The following ELMO1 variants were observed in gnomAD, a reference collection of about 807,000 sequenced individuals.
The protein encoded by ELMO1 is engulfment and cell motility 1.
ELMO1 carries 26 observed loss-of-function variants against 98.9 expected under a neutral mutation model. That is an observed-to-expected ratio of 0.26 (90% CI 0.19 to 0.36). The LOEUF (loss-of-function observed/expected upper bound fraction) is 0.36. ELMO1 is among the 10% of genes least tolerant of loss of function. The pLI, the probability that ELMO1 is intolerant of heterozygous loss-of-function variation, is 1.00. For synonymous variants in ELMO1, 346 were observed against 346.0 expected, an observed-to-expected ratio of 1.00 and a Z score of 0.00; for missense variants, 627 against 935.2, an observed-to-expected ratio of 0.67 and a Z score of 4.30.
intron 13 of ELMO1, among the ~76,000 whole-genome samples, chr7:37,173,446 C>G (rs1790302634): frequency 6.6e-6 from 1 of 152,252 alleles, no homozygotes; most frequent in Non-Finnish European, 1.5e-5. Context: ...TATTTCAAAT[C>G]TGCCTCGGAT....
chr7:37,055,957 C>T (rs1197965324), intron 15 of ELMO1, among the ~76,000 whole-genome samples: 2 of 152,188 alleles, frequency 1.3e-5, no homozygotes, highest in Admixed American at 1.3e-4. Context: ...TAGCATTCAA[C>T]TTAACTTTAA....
At position 37,354,335 on chromosome 7, in the gene ELMO1, A is replaced by G. The variant is rs1801407904; in HGVS notation, c.-73-11572T>C. The stretch of plus-strand genomic sequence containing the variant: ...ACTCAAGCCAGTGATGCATTTTTAA[A>G]ATCCAGAATTCCTTGCACAGAAAAC... On this transcript the variant is annotated intron_variant, in intron 1 of 21. Coordinates refer to ENST00000310758, the MANE Select transcript of ELMO1 (RefSeq NM_014800.11). Among the ~76,000 whole-genome samples the G allele has an allele frequency of 5.3e-5, 8 of 152,256 alleles. 1 individual carries two copies. Among genetic ancestry groups the G allele is most frequent in the Admixed American group, 5.2e-4 (8 of 15,290 alleles).
intron 21 of ELMO1, among the ~76,000 whole-genome samples, chr7:36,859,971 T>A (rs1802490153): frequency 6.6e-6 from 1 of 152,218 alleles, no homozygotes; most frequent in Non-Finnish European, 1.5e-5. Context: ...TCCCTCATCC[T>A]ACTCAATGTG....
At chr7:37,061,606 T>C (rs531564234) in intron 15 of ELMO1, among the ~76,000 whole-genome samples, 1 of 152,202 alleles carries the variant, frequency 6.6e-6, no homozygotes, top group South Asian at 2.1e-4. Flanking sequence ...CAACCAGTGG[T>C]CTTCAAGGAG....
intron 1 of ELMO1, among the ~76,000 whole-genome samples, chr7:37,398,504 G>T (rs892614271): frequency 3.3e-5 from 5 of 152,188 alleles, no homozygotes; most frequent in African/African-American, 1.2e-4. Context: ...TTATCTTTCT[G>T]CTTTGTTTCC....
chr7:37,395,267 T>G (rs1803247561), intron 1 of ELMO1, among the ~76,000 whole-genome samples: 1 of 146,158 alleles, frequency 6.8e-6, no homozygotes, highest in South Asian at 2.1e-4. Flanking sequence ...CTCAGGAGGG[T>G]GAGGCAGGAG....
intron 16 of ELMO1, among the ~76,000 whole-genome samples, chr7:36,947,690 C>T (rs908022767): frequency 6.6e-6 from 1 of 152,138 alleles, no homozygotes; most frequent in Non-Finnish European, 1.5e-5. Flanking sequence ...GCAATTTATA[C>T]GAGGCCCTTC....
intron 15 of ELMO1, among the ~76,000 whole-genome samples, chr7:37,017,129 C>T (rs181934530): frequency 1.8e-4 from 28 of 152,292 alleles, no homozygotes; most frequent in African/African-American, 6.7e-4. Flanking sequence ...ACCAGGGTTA[C>T]GCTCCCCTTC....
rs1795204327 is a variant in ELMO1, at chr7:37,249,547, A to G, written c.414-5156T>C. ...CCAGATTAGTGAGAACTCCACAAAT[A>G]CCACTGCTATCTTTCTGAGGAAAAC... On this transcript the variant is annotated intron_variant, in intron 6 of 21. Coordinates refer to ENST00000310758, the MANE Select transcript of ELMO1 (RefSeq NM_014800.11). Among the ~76,000 whole-genome samples the G allele has an allele frequency of 2.0e-5, 3 of 152,342 alleles. 1 individual carries two copies. Among genetic ancestry groups the G allele is most frequent in the Admixed American group, 2.0e-4 (3 of 15,300 alleles).
chr7:37,216,922 C>T (rs548839876), intron 10 of ELMO1, among the ~76,000 whole-genome samples: 3 of 152,162 alleles, frequency 2.0e-5, no homozygotes, highest in African/African-American at 7.2e-5. Flanking sequence ...CTGGCACCTG[C>T]AAACTTCTTT....
At chr7:37,222,075 G>C (rs1793627746) in intron 10 of ELMO1, among the ~76,000 whole-genome samples, 1 of 152,172 alleles carries the variant, frequency 6.6e-6, no homozygotes, top group Non-Finnish European at 1.5e-5. Flanking sequence ...ATCTCACCAA[G>C]CAAGGAGCCC....
intron 1 of ELMO1, among the ~76,000 whole-genome samples, chr7:37,412,336 C>T (rs1025408168): frequency 6.6e-6 from 1 of 152,162 alleles, no homozygotes; most frequent in African/African-American, 2.4e-5. Flanking sequence ...TGTGCCAGCC[C>T]CCTTCACCAC....
rs116086837 is a variant in ELMO1 at position 37,398,841 on chromosome 7, G to A, written c.-74+49834C>T. Among the ~76,000 whole-genome samples the A allele has an allele frequency of 3.1e-3, 474 of 152,182 alleles. 4 individuals carry two copies. Among genetic ancestry groups the A allele is most frequent in the African/African-American group, 9.7e-3 (402 of 41,520 alleles). ...CATCTACAATGTGGGGCCCTCCTTC[G>A]CCCCCAAGAAGCACAGGAAGGCTTC... On this transcript the variant is annotated intron_variant, in intron 1 of 21. Transcript: ENST00000310758.
intron 2 of ELMO1, among the ~76,000 whole-genome samples, chr7:37,322,940 C>G (rs1366107932): frequency 6.6e-6 from 1 of 152,154 alleles, no homozygotes; most frequent in African/African-American, 2.4e-5. Context: ...ACTGCCTTCT[C>G]AGACTCAACA....
At chr7:37,393,589 C>T (rs548918360) in intron 1 of ELMO1, among the ~76,000 whole-genome samples, 1 of 152,186 alleles carries the variant, frequency 6.6e-6, no homozygotes, top group African/African-American at 2.4e-5. Context: ...AGACTATAGA[C>T]TGGTTATTTT....
At chr7:37,209,353 A>G (rs1792828257) in intron 13 of ELMO1, among the ~76,000 whole-genome samples, 3 of 152,144 alleles carry the variant, frequency 2.0e-5, no homozygotes, top group African/African-American at 7.2e-5. Context: ...CTGGGATCCA[A>G]CTGCCCCCGA....
At chr7:37,189,113 G>A (rs1791421898) in intron 13 of ELMO1, among the ~76,000 whole-genome samples, 1 of 152,154 alleles carries the variant, frequency 6.6e-6, no homozygotes, top group South Asian at 2.1e-4. Context: ...TCAAAAATAA[G>A]AAATTGTTTA....
intron 14 of ELMO1, among the ~76,000 whole-genome samples, chr7:37,105,645 T>C (rs1784901959): frequency 6.6e-6 from 1 of 152,238 alleles, no homozygotes; most frequent in Non-Finnish European, 1.5e-5. Flanking sequence ...TGGACCACAC[T>C]GTGGGAACCA....
chr7:37,111,467 T>C (rs1339571412), intron 14 of ELMO1, among the ~76,000 whole-genome samples: 1 of 152,220 alleles, frequency 6.6e-6, no homozygotes, highest in Non-Finnish European at 1.5e-5. Context: ...GGAGTATTGA[T>C]ACCACAGAAA....
Sources: allele counts gnomAD v4.1 joint callset (sites outside exome capture counted in the v4.1 genomes callset), GRCh38; gene constraint gnomAD v4.1.1; transcripts MANE v1.5; gene names NCBI Gene and HGNC (gene_info 2026-07-23, HGNC 2026-07-21).